CUX2: variants seen among roughly 807,000 people sequenced by gnomAD.
The protein encoded by CUX2 is cut like homeobox 2.
In CUX2, 40 loss-of-function variants were observed where a neutral mutation model predicts 144.8. The observed-to-expected ratio is 0.28, with a 90% CI of 0.21 to 0.36. The LOEUF is 0.36. Among genes scored for constraint, CUX2 ranks in the 10% least tolerant of loss-of-function variants. The pLI is 1.00. For missense variants in CUX2, 1,615 were observed against 1,994.0 expected, an observed-to-expected ratio of 0.81 and a Z score of 3.62; for synonymous variants, 827 against 875.6, an observed-to-expected ratio of 0.94 and a Z score of 0.98.
chr12:111,265,313 TA>T (rs1227017707), intron 4 of CUX2, among the ~76,000 whole-genome samples: 6 of 64,114 alleles, frequency 9.4e-5, no homozygotes, highest in South Asian at 6.5e-4. Flanking sequence ...ATTTTATTTT[TA>T]TTTTATTTTA....
chr12:111,330,732 T>TACATATAC (rs1565926344), intron 18 of CUX2, among the ~76,000 whole-genome samples: 16 of 53,572 alleles, frequency 3.0e-4, no homozygotes, highest in African/African-American at 4.2e-4. Context: ...TATATATATA[T>TACATATAC]ATATATATAT....
intron 1 of CUX2, among the ~76,000 whole-genome samples, chr12:111,123,964 G>T (rs1874875369): frequency 6.6e-6 from 1 of 152,158 alleles, no homozygotes; most frequent in South Asian, 2.1e-4. Flanking sequence ...AGGTCTTCTG[G>T]CTCTAGTCAA....
rs886805955 is a variant in CUX2, at chr12:111,039,173, C to G, written c.63+4933C>G. Reference sequence around the variant, plus strand: ...GGCTGAATTTCCGGTGGCTTCCTGGCTATCTAATTCAAAGGCCGGGCCTGG... The same window carrying G: ...GGCTGAATTTCCGGTGGCTTCCTGGGTATCTAATTCAAAGGCCGGGCCTGG... On this transcript the variant is annotated intron_variant, in intron 1 of 21. Coordinates refer to ENST00000261726, the MANE Select transcript of CUX2 (RefSeq NM_015267.4). This position sits in a 1 kb window ranked among gnomAD's most constrained non-coding sequence, Gnocchi z 4.2. Among the ~76,000 whole-genome samples, 1 of 152,074 alleles carries G rather than the reference C, an allele frequency of 6.6e-6. No homozygotes were observed. Among genetic ancestry groups the G allele is most frequent in the African/African-American group, 2.4e-5 (1 of 41,394 alleles).
intron 1 of CUX2, among the ~76,000 whole-genome samples, chr12:111,110,092 AG>A (rs1348309140): frequency 6.7e-6 from 1 of 148,414 alleles, no homozygotes; most frequent in Non-Finnish European, 1.5e-5. Flanking sequence ...TTTGTTGTCC[AG>A]GCTGGTCTCA....
chr12:111,224,067 G>T (rs1393557213), intron 3 of CUX2, among the ~76,000 whole-genome samples: 3 of 152,180 alleles, frequency 2.0e-5, no homozygotes, highest in African/African-American at 7.2e-5. Flanking sequence ...CTTTAGAGCA[G>T]AGGAGGGACC....
At position 111,190,587 on chromosome 12, in the gene CUX2, A is replaced by G. The variant is rs554797857; in HGVS notation, c.64-23613A>G. The stretch of plus-strand genomic sequence containing the variant: ...TGCTTTTTGACTATGAGATGAGTTC[A>G]TCTTTCCTGGACATCCAGAGAGACG... On this transcript the variant is annotated intron_variant, in intron 1 of 21. Transcript: ENST00000261726. The surrounding 1 kb of genome is among the most constrained non-coding windows in gnomAD (Gnocchi z 4.0). 1.3e-5 allele frequency among the ~76,000 whole-genome samples: 2 copies of G among 152,174 alleles called. No homozygotes were observed. Among genetic ancestry groups the G allele is most frequent in the African/African-American group, 4.8e-5 (2 of 41,426 alleles).
rs536326382 is a variant in CUX2, at chr12:111,065,741, T to C, written c.63+31501T>C. Among the ~76,000 whole-genome samples the C allele has an allele frequency of 7.9e-5, 12 of 152,366 alleles. No individual in the cohort carries two copies. The South Asian group carries it at 2.5e-3, about 32-fold the overall frequency. On this transcript the variant is annotated intron_variant, in intron 1 of 21. Transcript: ENST00000261726. ...AAGTTAATTTCTTGGCAGAGAACAG[T>C]AGTTCTCAAAGTGTGGTCCCTGGAC...
At chr12:111,319,959 G>A (rs1027699949) in intron 16 of CUX2, 53 bp from the exon 17 acceptor site, 7 of 1,417,864 alleles carry the variant, frequency 4.9e-6, no homozygotes, top group Non-Finnish European at 6.4e-6. Context: ...ATCGTCCCCT[G>A]CATGCCGAGC....
At chr12:111,192,705 T>A (rs923135357) in intron 1 of CUX2, among the ~76,000 whole-genome samples, 3 of 152,292 alleles carry the variant, frequency 2.0e-5, no homozygotes, top group South Asian at 2.1e-4. Context: ...AGGGTGTGGG[T>A]CAGTGACCCC....
At chr12:111,309,872 G>A (rs556702832) in intron 14 of CUX2, among the ~76,000 whole-genome samples, 169 bp from the exon 15 acceptor site, 32 of 140,520 alleles carry the variant, frequency 2.3e-4, no homozygotes, top group South Asian at 4.7e-4. Context: ...TCTCTGTCTC[G>A]CTCTCCCTCT....
At position 111,342,007 on chromosome 12, in the gene CUX2, C is replaced by T; in HGVS notation, c.3613C>T (p.Leu1205Phe). 6.2e-7 allele frequency: 1 copy of T among 1,614,090 alleles called. No homozygotes were observed. Among genetic ancestry groups the T allele is most frequent in the Non-Finnish European group, 8.5e-7 (1 of 1,179,984 alleles). Residue 1205 changes from leucine to phenylalanine, a missense_variant, in exon 21 of 22, where the codon CTC (leucine) becomes TTC (phenylalanine). Leu to Phe is a conservative substitution (Grantham distance 22, BLOSUM62 0). This residue lies in a region of CUX2 where 131 missense variants were observed against 223.1 expected (regional missense o/e 0.59). Coordinates refer to ENST00000261726, the MANE Select transcript of CUX2 (RefSeq NM_015267.4). The part of the protein sequence containing the change: ...QQTIELLSFQ[L>F]NLKTNTVINW... ...GACCATCGAGCTCCTCTCCTTCCAG[C>T]TCAACCTCAAGACCAACACCGTCAT... is the stretch of plus-strand genomic sequence containing the variant.
chr12:111,251,522 G>T (rs895543645), intron 3 of CUX2, among the ~76,000 whole-genome samples: 10 of 152,072 alleles, frequency 6.6e-5, no homozygotes, highest in Non-Finnish European at 1.5e-4. Flanking sequence ...TTTCATTTTT[G>T]CACTGCTTCC....
At chr12:111,107,115 T>C (rs1873658167) in intron 1 of CUX2, among the ~76,000 whole-genome samples, 1 of 152,198 alleles carries the variant, frequency 6.6e-6, no homozygotes, top group South Asian at 2.1e-4. Context: ...CACACTTCTG[T>C]CCCCATTTTA....
chr12:111,259,134 C>A (rs1021944341), intron 3 of CUX2, among the ~76,000 whole-genome samples: 7 of 151,740 alleles, frequency 4.6e-5, no homozygotes, highest in Non-Finnish European at 8.8e-5. Flanking sequence ...AACTCCTGGA[C>A]TCAAGTGATC....
intron 4 of CUX2, among the ~76,000 whole-genome samples, chr12:111,267,302 T>C (rs1057113494): frequency 6.6e-6 from 1 of 151,676 alleles, no homozygotes; most frequent in Non-Finnish European, 1.5e-5. Context: ...CTGCATTTTA[T>C]CAAGCTCCCC....
At chr12:111,067,820 C>A (rs532228388) in intron 1 of CUX2, among the ~76,000 whole-genome samples, 1 of 152,228 alleles carries the variant, frequency 6.6e-6, no homozygotes, top group East Asian at 1.9e-4. Context: ...CAGGCCTGGG[C>A]AGAACTCCAC....
chr12:111,277,286 C>T lies in CUX2; in HGVS notation c.301+13447C>T, dbSNP rs561249714. Among the ~76,000 whole-genome samples, 2 of 152,294 alleles carry T rather than the reference C, an allele frequency of 1.3e-5. No individual in the cohort carries two copies. The highest frequency in any genetic ancestry group is 1.5e-5 in the Non-Finnish European group (1 of 68,022). ...GCACTGGGCGTCCCCTGGGCCAGCC[C>T]CACATCCCCATCTGTGAAATGGGTT... On this transcript the variant is annotated intron_variant, in intron 4 of 21. Coordinates refer to ENST00000261726, the MANE Select transcript of CUX2 (RefSeq NM_015267.4). This position sits in a 1 kb window ranked among gnomAD's most constrained non-coding sequence, Gnocchi z 5.0.
At chr12:111,284,476 C>T (rs1183107313) in intron 4 of CUX2, among the ~76,000 whole-genome samples, 3 of 152,142 alleles carry the variant, frequency 2.0e-5, no homozygotes, top group African/African-American at 7.2e-5. Flanking sequence ...TTCTGGCCTC[C>T]CTGGGAATCA....
At position 111,334,579 on chromosome 12, in the gene CUX2, C is replaced by T. The variant is rs756580216; in HGVS notation, c.3065C>T (p.Ser1022Leu). ...CAGCCAGAGGGCCGCTCCAGCTCCT[C>T]GTTGAGCGGGAAGATGTACTCAGGC... is the stretch of plus-strand genomic sequence containing the variant. ...NQQPEGRSSS[S>L]LSGKMYSGSQ... Residue 1022 changes from serine (S) to leucine (L), a missense_variant, in exon 19 of 22, where the codon TCG (serine) becomes TTG (leucine). Transcript: ENST00000261726. The T allele has an allele frequency of 9.3e-6, 15 of 1,613,918 alleles. No individual in the cohort carries two copies. The highest frequency in any genetic ancestry group is 6.7e-5 in the East Asian group (3 of 44,874).
Sources: gnomAD v4.1 joint callset for allele counts (sites outside exome capture counted in the v4.1 genomes callset) on GRCh38, gnomAD v4.1.1 for gene constraint, gnomAD v4.1.1 regional missense constraint, Gnocchi (gnomAD v3.1) non-coding constraint, MANE v1.5 for transcripts, NCBI Gene and HGNC (gene_info 2026-07-23, HGNC 2026-07-21) for gene names.